The following NHSL2 variants were observed in gnomAD, a reference collection of about 807,000 sequenced individuals.
The protein encoded by NHSL2 is NHS-like protein 2.
In NHSL2, 27 loss-of-function variants were observed where a neutral mutation model predicts 53.4. That is an observed-to-expected ratio of 0.51 (90% CI 0.37 to 0.70). NHSL2 has a LOEUF of 0.70. Among genes scored for constraint, NHSL2 ranks in the 30% least tolerant of loss-of-function variants. The pLI is 0.00. For missense variants in NHSL2, 892 were observed against 980.1 expected (o/e 0.91, Z 1.20); for synonymous variants, 408 against 404.1 (o/e 1.01, Z -0.12).
chrX:71,927,524 CCTCA>C (rs1418866764), intron 1 of NHSL2, among the ~76,000 whole-genome samples: 2 of 111,314 alleles, frequency 1.8e-5, no homozygotes, highest in Admixed American at 1.9e-4. Context: ...GGGTTTGAAT[CCTCA>C]CTCTATTACT....
Position 71,987,914 on chromosome X carries a change from T to G in NHSL2, c.280+76547T>G, listed in dbSNP as rs747354786. Among the ~76,000 whole-genome samples, 15 of 112,112 alleles carry G rather than the reference T, an allele frequency of 1.3e-4. No individual in the cohort carries two copies. The South Asian group carries it at 5.6e-3, about 42-fold the overall frequency. ...CAGCCAATTTTGAACTTGCAAAAGC[T>G]TTTAACTGCTTGAGATAATTTTAAG... On this transcript the variant is annotated intron_variant, in intron 1 of 7. Transcript: ENST00000633930.
At position 72,140,707 on chromosome X, in the gene NHSL2, A is replaced by G; in HGVS notation, c.3159A>G (p.Gln1053=). ...GTCCCGCCACCGGCGATGACCTGCA[A>G]TCACTTGGTCAAAGGGTGACTTCAA... The part of the protein sequence containing the change: ...TKCPATGDDL[Q]SLGQRVTSTP... The change falls in exon 6 of 8, where the codon CAA becomes CAG. Residue 1053 remains glutamine, a synonymous_variant. Coordinates refer to ENST00000633930, the MANE Select transcript of NHSL2 (RefSeq NM_001013627.3). 1.7e-6 allele frequency: 2 copies of G among 1,208,321 alleles called. No individual in the cohort carries two copies. Among genetic ancestry groups the G allele is most frequent in the Non-Finnish European group, 2.2e-6 (2 of 893,154 alleles).
At chrX:71,994,914 C>A (rs1234296003) in intron 1 of NHSL2, among the ~76,000 whole-genome samples, 1 of 111,484 alleles carries the variant, frequency 9.0e-6, no homozygotes, top group Non-Finnish European at 1.9e-5. Context: ...CTGCTGCCCC[C>A]ACCCCTGTTT....
intron 1 of NHSL2, among the ~76,000 whole-genome samples, chrX:71,951,602 CCTA>C (rs2041821336): frequency 8.9e-6 from 1 of 112,200 alleles, no homozygotes; most frequent in South Asian, 3.7e-4. Context: ...TTTGCATTTC[CCTA>C]ATGACTAGTG....
intron 1 of NHSL2, among the ~76,000 whole-genome samples, chrX:71,997,787 T>G (rs1185502099): frequency 8.9e-6 from 1 of 112,171 alleles, no homozygotes; most frequent in African/African-American, 3.2e-5. Context: ...TTTTTGTCTT[T>G]TATTCATTGC....
chrX:72,126,979 C>A (rs1188289848), intron 1 of NHSL2: 1 of 111,999 alleles, frequency 8.9e-6, no homozygotes, highest in African/African-American at 3.3e-5. Context: ...TTGAGCCTCA[C>A]CGGCCCTTGG....
chrX:72,139,728 C>G lies in NHSL2; in HGVS notation c.2180C>G (p.Ser727Cys). ...TCGGAAACACCAACACCCACTGTTT[C>G]CATGTCCCTGACCCTGGGCCACTTA... ...SQSETPTPTV[S>C]MSLTLGHLPP... The change falls in exon 6 of 8, where the codon TCC (serine) becomes TGC (cysteine). Residue 727 changes from serine (S) to cysteine (C), a missense_variant. Coordinates refer to ENST00000633930, the MANE Select transcript of NHSL2 (RefSeq NM_001013627.3). 1 of 1,210,685 alleles carries G rather than the reference C, an allele frequency of 8.3e-7. No homozygotes were observed. The highest frequency in any genetic ancestry group is 1.1e-6 in the Non-Finnish European group (1 of 894,781).
chrX:71,917,587 A>T (rs147527288), intron 1 of NHSL2, among the ~76,000 whole-genome samples: 3,385 of 110,265 alleles, frequency 0.031, 128 homozygotes, highest in African/African-American at 0.11. Flanking sequence ...TGGGGAGAAC[A>T]GTGAGCCATA....
intron 1 of NHSL2, among the ~76,000 whole-genome samples, chrX:72,055,583 A>T (rs956611496): frequency 8.9e-6 from 1 of 112,144 alleles, no homozygotes; most frequent in African/African-American, 3.2e-5. Context: ...CTATACTTGG[A>T]GAGAACCTAA....
rs189683881 is a variant in NHSL2 at position 72,061,228 on chromosome X, A to G, written c.281-70851A>G. Among the ~76,000 whole-genome samples the G allele has an allele frequency of 7.1e-5, 8 of 111,953 alleles. No individual in the cohort carries two copies. The East Asian group carries it at 2.0e-3, about 28-fold the overall frequency. ...TTCGGAATGCCCAATGTTTTTCAGGATTGAAACAGGAAGACCCTATATTGT... is the reference window on the plus strand; with the variant it reads ...TTCGGAATGCCCAATGTTTTTCAGGGTTGAAACAGGAAGACCCTATATTGT... On this transcript the variant is annotated intron_variant, in intron 1 of 7. Coordinates refer to ENST00000633930, the MANE Select transcript of NHSL2 (RefSeq NM_001013627.3).
intron 1 of NHSL2, among the ~76,000 whole-genome samples, chrX:72,098,511 A>G (rs1395186557): frequency 2.1e-4 from 23 of 107,001 alleles, no homozygotes; most frequent in East Asian, 8.8e-4. Context: ...AACCCGGGAG[A>G]CGGAGCTTGC....
At chrX:72,047,704 G>T (rs939801682) in intron 1 of NHSL2, among the ~76,000 whole-genome samples, 3 of 111,864 alleles carry the variant, frequency 2.7e-5, no homozygotes, top group Non-Finnish European at 3.8e-5. Flanking sequence ...GTGCTGGGCT[G>T]GGTATAGAGA....
intron 1 of NHSL2, among the ~76,000 whole-genome samples, chrX:72,007,053 T>G (rs2042097467): frequency 8.9e-6 from 1 of 111,821 alleles, no homozygotes; most frequent in Non-Finnish European, 1.9e-5. Context: ...CTTGAGCCAC[T>G]TTTACCTGCT....
chrX:72,112,542 T>C (rs772409092), intron 1 of NHSL2, among the ~76,000 whole-genome samples: 4 of 112,070 alleles, frequency 3.6e-5, no homozygotes, highest in Non-Finnish European at 7.5e-5. Context: ...TAGTGACCAC[T>C]AATCAACTTT....
chrX:71,968,051 C>T (rs2041908962), intron 1 of NHSL2, among the ~76,000 whole-genome samples: 1 of 108,028 alleles, frequency 9.3e-6, no homozygotes, highest in Non-Finnish European at 1.9e-5. Context: ...GGCTGGAGTG[C>T]AGTGGTACAA....
At chrX:72,092,365 A>G (rs766355440) in intron 1 of NHSL2, among the ~76,000 whole-genome samples, 1 of 111,190 alleles carries the variant, frequency 9.0e-6, no homozygotes, top group Non-Finnish European at 1.9e-5. Flanking sequence ...GCTCCTCTGT[A>G]TGTATCTGTC....
intron 1 of NHSL2, among the ~76,000 whole-genome samples, chrX:72,059,614 C>T (rs373570919): frequency 2.7e-5 from 3 of 111,721 alleles, no homozygotes; most frequent in South Asian, 7.5e-4. Context: ...TTTTCGAGTT[C>T]GACATCACCT....
At chrX:72,132,343 G>C in intron 2 of NHSL2, 109 bp downstream of exon 2, 15 of 705,721 alleles carry the variant, frequency 2.1e-5, no homozygotes, top group Non-Finnish European at 3.0e-5. Context: ...AAGACAGAGA[G>C]TTTAAAAACA....
Position 71,983,334 on chromosome X carries a change from A to G in NHSL2, c.280+71967A>G, listed in dbSNP as rs111643379. ...CTCAGTATAAATTTTGCTTGGTGCT[A>G]TGTCTCACGCTGGTAATCCCAGCAC... On this transcript the variant is annotated intron_variant, in intron 1 of 7. Transcript: ENST00000633930. Among the ~76,000 whole-genome samples, 593 of 109,190 alleles carry G rather than the reference A, an allele frequency of 5.4e-3. 4 individuals carry two copies. The highest frequency in any genetic ancestry group is 9.0e-3 in the Non-Finnish European group (469 of 52,276). 94.8% of individuals were successfully genotyped at this position (109,190 alleles called of 115,157 possible).
Sources: gnomAD v4.1 joint callset for allele counts (sites outside exome capture counted in the v4.1 genomes callset) on GRCh38, gnomAD v4.1.1 for gene constraint, MANE v1.5 for transcripts, NCBI Gene and HGNC (gene_info 2026-07-23, HGNC 2026-07-21) for gene names.